Variants in GOSR2 observed in about 807,000 individuals in gnomAD.
GOSR2 encodes 27 kDa Golgi SNARE protein.
A neutral mutation model predicts 27.9 loss-of-function variants in GOSR2; 20 were observed. The ratio of observed to expected loss-of-function variants is 0.72; its 90% CI spans 0.50 to 1.04. The LOEUF is 1.04. Ranked by LOEUF, GOSR2 falls within the 50% of genes least tolerant of loss-of-function variation. The pLI, the probability that GOSR2 is intolerant of heterozygous loss-of-function variation, is 0.00. For missense variants in GOSR2, 261 were observed against 270.5 expected, an observed-to-expected ratio of 0.97 and a Z score of 0.25; for synonymous variants, 91 against 98.8, an observed-to-expected ratio of 0.92 and a Z score of 0.47.
intron 1 of GOSR2, 77 bp downstream of exon 1, chr17:46,923,298 C>T (rs767675224): frequency 1.5e-4 from 226 of 1,547,642 alleles, no homozygotes; most frequent in Non-Finnish European, 1.9e-4. Flanking sequence ...GCTGAGGCCT[C>T]GGACGTCAGC....
intron 6 of GOSR2, among the ~76,000 whole-genome samples, chr17:46,966,344 C>T (rs779567684): frequency 2.0e-5 from 3 of 152,198 alleles, no homozygotes; most frequent in Non-Finnish European, 2.9e-5. Flanking sequence ...AGTGCAGTGG[C>T]ACGATCATGG....
At chr17:46,959,942 A>T (rs973772728) in intron 6 of GOSR2, among the ~76,000 whole-genome samples, 4 of 152,332 alleles carry the variant, frequency 2.6e-5, no homozygotes, top group Admixed American at 2.6e-4. Flanking sequence ...ACAGGACATC[A>T]TGGAGTGGAC....
At chr17:46,974,078 TC>T (rs1417055077) in intron 6 of GOSR2, among the ~76,000 whole-genome samples, 1 of 152,086 alleles carries the variant, frequency 6.6e-6, no homozygotes, top group African/African-American at 2.4e-5. Flanking sequence ...CCTCCCTACT[TC>T]CCCCGTTCTA....
intron 1 of GOSR2, among the ~76,000 whole-genome samples, chr17:46,924,874 T>TA (rs1036407658): frequency 3.3e-4 from 50 of 152,354 alleles, no homozygotes; most frequent in Non-Finnish European, 5.3e-4. Context: ...GCCTTGAAGT[T>TA]AATCTGTTAT....
chr17:46,963,647 T>G (rs1273875756), intron 6 of GOSR2: 2 of 152,330 alleles, frequency 1.3e-5, no homozygotes, highest in East Asian at 3.9e-4. Context: ...CAGTTGTCAC[T>G]TGAGAAAATG....
At chr17:46,957,892 C>T (rs2090822968) in intron 6 of GOSR2, among the ~76,000 whole-genome samples, 1 of 152,192 alleles carries the variant, frequency 6.6e-6, no homozygotes, top group Non-Finnish European at 1.5e-5. Flanking sequence ...GCAAGGCACT[C>T]ACCCAGGACG....
chr17:46,954,613 G>C (rs534282222), intron 6 of GOSR2, among the ~76,000 whole-genome samples: 2 of 152,232 alleles, frequency 1.3e-5, no homozygotes, highest in Admixed American at 6.5e-5. Context: ...AAATTACCTT[G>C]GTCAGTATGG....
At chr17:46,954,503 A>G (rs1253617026) in intron 6 of GOSR2, among the ~76,000 whole-genome samples, 2 of 151,978 alleles carry the variant, frequency 1.3e-5, no homozygotes, top group Non-Finnish European at 2.9e-5. Flanking sequence ...GGCCTTGGCA[A>G]TGCAGGCTCT....
intron 6 of GOSR2, among the ~76,000 whole-genome samples, chr17:46,974,463 G>A (rs924300728): frequency 1.4e-4 from 22 of 152,176 alleles, no homozygotes; most frequent in Non-Finnish European, 2.6e-4. Flanking sequence ...CGCCGGGCGC[G>A]GTGGCTCACG....
At chr17:46,953,445 CATT>C (rs1356150708) in intron 6 of GOSR2, among the ~76,000 whole-genome samples, 2 of 152,328 alleles carry the variant, frequency 1.3e-5, no homozygotes, top group African/African-American at 2.4e-5. Context: ...TCCAGTCTAT[CATT>C]GTTGGACATT....
chr17:46,967,658 C>A (rs111793086), downstream of GOSR2, among the ~76,000 whole-genome samples: 1 of 152,050 alleles, frequency 6.6e-6, no homozygotes, highest in African/African-American at 2.4e-5. Flanking sequence ...GGAAATGGGC[C>A]GGTGCAGAGG....
At chr17:46,936,934 TTCTC>T (rs1905611743) in intron 5 of GOSR2, 3 of 477,224 alleles carry the variant, frequency 6.3e-6, no homozygotes, top group Non-Finnish European at 8.2e-6. Context: ...CTTTCCTTGT[TTCTC>T]TCAGTTGCTC....
Position 46,938,975 on chromosome 17 carries a change from G to C in GOSR2, c.*215G>C, listed in dbSNP as rs1240213840. 3.5e-6 allele frequency: 5 copies of C among 1,422,866 alleles called. No homozygotes were observed. Among genetic ancestry groups the C allele is most frequent in the South Asian group, 2.7e-5 (2 of 73,698 alleles). 88.1% of individuals were successfully genotyped at this position (1,422,866 alleles called of 1,614,324 possible). A position where few individuals can be genotyped will look rare whatever the true frequency, so the allele number is the denominator to read the frequency against. On this transcript the variant is annotated 3_prime_UTR_variant, in exon 6 of 6. Coordinates refer to ENST00000640051, the MANE Select transcript of GOSR2 (RefSeq NM_004287.5). ...GTGCCACCACCATGCGCGGTGCTTA[G>C]GAAATGAAAGAAGTCCCGGGTCTGT...
downstream of GOSR2, among the ~76,000 whole-genome samples, chr17:46,946,879 A>G (rs1039331572): frequency 6.6e-6 from 1 of 152,156 alleles, no homozygotes; most frequent in Non-Finnish European, 1.5e-5. Flanking sequence ...AAAAAAACAA[A>G]AATTATGAGA....
At chr17:46,945,812 C>T (rs148881265), downstream of GOSR2, among the ~76,000 whole-genome samples, 18 of 152,270 alleles carry the variant, frequency 1.2e-4, no homozygotes, top group Middle Eastern at 3.4e-3. Flanking sequence ...CACTGCTGCC[C>T]CCAGGACCTC....
chr17:46,941,405 A>C lies in GOSR2; in HGVS notation c.*2645A>C, dbSNP rs1447330955. 2.0e-6 allele frequency: 2 copies of C among 982,758 alleles called. No individual in the cohort carries two copies. Among genetic ancestry groups the C allele is most frequent in the African/African-American group, 3.5e-5 (2 of 57,150 alleles). The allele number at this position is 982,758 out of a possible 1,614,324, so 60.9% of individuals were successfully genotyped here. A position where few individuals can be genotyped will look rare whatever the true frequency, so the allele number is the denominator to read the frequency against. On this transcript the variant is annotated 3_prime_UTR_variant, in exon 6 of 6. Transcript: ENST00000640051. ...GAATTCGATATTCATTTTTATAACT[A>C]ATGGCCCCCTTTTTTTATGTTTCTA...
rs528535288 is a variant in GOSR2 at position 46,953,590 on chromosome 17, A to G, written c.584-12944A>G. Among the ~76,000 whole-genome samples, 220 of 152,270 alleles carry G rather than the reference A, an allele frequency of 1.4e-3. 1 individual carries two copies. Among genetic ancestry groups the G allele is most frequent in the Middle Eastern group, 6.8e-3 (2 of 294 alleles). Reference sequence around the variant, plus strand: ...TAATGGGATGGCTGGGTCAAATGGTATTTCTAGTTCTAGATCCCTGAGGAA... The same window carrying G: ...TAATGGGATGGCTGGGTCAAATGGTGTTTCTAGTTCTAGATCCCTGAGGAA... On this transcript the variant is annotated intron_variant, in intron 6 of 6. Coordinates refer to the GOSR2 transcript ENST00000573224.
downstream of GOSR2, among the ~76,000 whole-genome samples, chr17:46,942,476 G>T (rs2089412719): frequency 6.6e-6 from 1 of 152,194 alleles, no homozygotes; most frequent in Admixed American, 6.5e-5. Context: ...TGGAACCATG[G>T]GCCCACTTAA....
intron 6 of GOSR2, among the ~76,000 whole-genome samples, chr17:46,960,588 G>A (rs1476120899): frequency 6.6e-6 from 1 of 152,088 alleles, no homozygotes; most frequent in Non-Finnish European, 1.5e-5. Flanking sequence ...ACCAAAACAG[G>A]ATACAACCCA....
Sources: gnomAD v4.1 joint callset for allele counts (sites outside exome capture counted in the v4.1 genomes callset) on GRCh38, gnomAD v4.1.1 for gene constraint, MANE v1.5 for transcripts, NCBI Gene and HGNC (gene_info 2026-07-23, HGNC 2026-07-21) for gene names.